XKR4: variants seen among roughly 807,000 people sequenced by gnomAD.
XKR4 encodes XK-related protein 4.
A neutral mutation model predicts 53.9 loss-of-function variants in XKR4; 12 were observed. The ratio of observed to expected loss-of-function variants is 0.22; its 90% CI spans 0.14 to 0.36. The LOEUF is 0.36. Ranked by LOEUF, XKR4 falls within the 10% of genes least tolerant of loss-of-function variation. XKR4 has a pLI of 1.00. For synonymous variants in XKR4, 354 were observed against 362.4 expected (o/e 0.98, Z 0.26); for missense variants, 799 against 859.5 (o/e 0.93, Z 0.88).
Position 55,187,305 on chromosome 8 carries a change from C to CAAAAAAA in XKR4, c.806+84025_806+84031dup, listed in dbSNP as rs1168014848. On this transcript the variant is annotated intron_variant, in intron 1 of 2. Transcript: ENST00000327381. ...GTGGGAAAATCTCTGTTTCCAGGACCAAAAAAAAAAAAAAAAAAAAGAAGA... is the reference window on the plus strand; with the variant it reads ...GTGGGAAAATCTCTGTTTCCAGGACCAAAAAAAAAAAAAAAAAAAAAAAAAAAGAAGA... Among the ~76,000 whole-genome samples, 69 of 95,642 alleles carry CAAAAAAA rather than the reference C, an allele frequency of 7.2e-4. 1 individual carries two copies. The highest frequency in any genetic ancestry group is 1.5e-3 in the African/African-American group (38 of 25,234). The allele number at this position is 95,642 out of a possible 152,430, so 62.7% of individuals were successfully genotyped here.
intron 1 of XKR4, among the ~76,000 whole-genome samples, chr8:55,299,629 A>C (rs886884714): frequency 6.6e-6 from 1 of 152,154 alleles, no homozygotes; most frequent in African/African-American, 2.4e-5. Context: ...TTGGGGTGAA[A>C]AGATGCAACA....
At chr8:55,494,389 C>T (rs753453242) in intron 2 of XKR4, among the ~76,000 whole-genome samples, 2 of 152,212 alleles carry the variant, frequency 1.3e-5, no homozygotes, top group African/African-American at 2.4e-5. Flanking sequence ...TTTTCTTCAC[C>T]CACAACATGG....
intron 1 of XKR4, among the ~76,000 whole-genome samples, chr8:55,147,432 G>C (rs1239359704): frequency 6.6e-6 from 1 of 152,198 alleles, no homozygotes; most frequent in East Asian, 1.9e-4. Context: ...AAGACACTTA[G>C]GGAGGAGAGC....
chr8:55,432,765 C>CAAA (rs143147238), intron 2 of XKR4, among the ~76,000 whole-genome samples: 9,892 of 151,978 alleles, frequency 0.065, 346 homozygotes, highest in Middle Eastern at 0.11. Flanking sequence ...AACTTTTTCC[C>CAAA]AAAAAAGTCT....
intron 1 of XKR4, among the ~76,000 whole-genome samples, chr8:55,123,740 C>T (rs1467579732): frequency 6.6e-6 from 1 of 152,124 alleles, no homozygotes; most frequent in African/African-American, 2.4e-5. Context: ...TGTGTGTGTC[C>T]CACAGGGGAC....
intron 1 of XKR4, among the ~76,000 whole-genome samples, chr8:55,333,891 ATGT>A (rs1469699494): frequency 6.6e-6 from 1 of 152,186 alleles, no homozygotes; most frequent in African/African-American, 2.4e-5. Context: ...ATGTCATGAA[ATGT>A]TGTAGCATTT....
rs539941654 is a variant in XKR4, at chr8:55,454,616, T to A, written c.1007-68665T>A. ...TCACCAGCCCCCAAATAAATCGTCC[T>A]CTACTAGCCCCCAGCCAGGGGCACG... On this transcript the variant is annotated intron_variant, in intron 2 of 2. Transcript: ENST00000327381. 6 of 1,286,576 alleles carry A rather than the reference T, an allele frequency of 4.7e-6. No homozygotes were observed. The African/African-American group carries it at 5.8e-5, about 12-fold the overall frequency. The allele number at this position is 1,286,576 out of a possible 1,614,324, so 79.7% of individuals were successfully genotyped here.
At chr8:55,412,428 A>C (rs1442935217) in intron 2 of XKR4, among the ~76,000 whole-genome samples, 1 of 152,212 alleles carries the variant, frequency 6.6e-6, no homozygotes, top group African/African-American at 2.4e-5. Context: ...TTTTAAAGCC[A>C]AAATCCTTGA....
intron 1 of XKR4, among the ~76,000 whole-genome samples, chr8:55,261,106 C>A (rs544952366): frequency 1.2e-4 from 18 of 152,186 alleles, no homozygotes; most frequent in Admixed American, 1.0e-3. Context: ...GTTAGGGGAA[C>A]CATATTTTAT....
intron 1 of XKR4, among the ~76,000 whole-genome samples, chr8:55,125,675 A>G (rs1481619264): frequency 3.3e-5 from 5 of 152,178 alleles, no homozygotes; most frequent in African/African-American, 9.7e-5. Flanking sequence ...ACAAAAGCCT[A>G]TTTTCCCTAG....
intron 1 of XKR4, among the ~76,000 whole-genome samples, chr8:55,318,071 A>G (rs1229136331): frequency 6.6e-6 from 1 of 152,238 alleles, no homozygotes; most frequent in Non-Finnish European, 1.5e-5. Context: ...GTAGAAAGTT[A>G]GCTTAATGCT....
At chr8:55,111,520 G>C (rs1816230096) in intron 1 of XKR4, among the ~76,000 whole-genome samples, 1 of 152,136 alleles carries the variant, frequency 6.6e-6, no homozygotes, top group Non-Finnish European at 1.5e-5. Context: ...AACTGGCATG[G>C]TTCATACATA....
rs11454464 is a variant in XKR4 at position 55,535,226 on chromosome 8, T to TTA, written c.*10999_*11000insTA. 2 of 151,606 alleles carry TTA rather than the reference T, an allele frequency of 1.3e-5. No individual in the cohort carries two copies. The highest frequency in any genetic ancestry group is 2.9e-5 in the Non-Finnish European group (2 of 67,894). 9.4% of individuals were successfully genotyped at this position (151,606 alleles called of 1,614,324 possible). ...ATGTGACTTATTTTCTTTTTTTTTT[T>TTA]AATTTTATTATTATTATACTTTAAG... On this transcript the variant is annotated 3_prime_UTR_variant, in exon 3 of 3. Transcript: ENST00000327381.
chr8:55,246,531 G>A (rs1254630560), intron 1 of XKR4, among the ~76,000 whole-genome samples: 1 of 152,122 alleles, frequency 6.6e-6, no homozygotes, highest in African/African-American at 2.4e-5. Context: ...AGAACAGAAA[G>A]TTTCCTCATT....
intron 1 of XKR4, among the ~76,000 whole-genome samples, chr8:55,107,881 A>G (rs1024247633): frequency 2.0e-5 from 3 of 152,212 alleles, no homozygotes; most frequent in African/African-American, 7.2e-5. Context: ...ATATAAATTA[A>G]TTAGTCATTC....
intron 1 of XKR4, among the ~76,000 whole-genome samples, chr8:55,296,007 G>A (rs977187711): frequency 1.3e-5 from 2 of 152,152 alleles, no homozygotes; most frequent in Non-Finnish European, 2.9e-5. Context: ...TGATGACATA[G>A]ATAAACAGAA....
intron 2 of XKR4, 31 bp from the exon 3 acceptor site, chr8:55,523,250 T>C (rs774859783): frequency 3.9e-6 from 6 of 1,539,710 alleles, no homozygotes; most frequent in Non-Finnish European, 5.3e-6. Context: ...AACTGATTTC[T>C]GACACACTGT....
chr8:55,466,477 G>T (rs1805771496), intron 2 of XKR4, among the ~76,000 whole-genome samples: 1 of 152,004 alleles, frequency 6.6e-6, no homozygotes, highest in South Asian at 2.1e-4. Context: ...TCACACCGGG[G>T]ACTGTTATGG....
chr8:55,234,024 A>G (rs1818083022), intron 1 of XKR4, among the ~76,000 whole-genome samples: 1 of 152,234 alleles, frequency 6.6e-6, no homozygotes, highest in South Asian at 2.1e-4. Flanking sequence ...CAATACCATT[A>G]TCGATTCCCT....
Sources: allele counts gnomAD v4.1 joint callset (sites outside exome capture counted in the v4.1 genomes callset), GRCh38; gene constraint gnomAD v4.1.1; transcripts MANE v1.5; gene names NCBI Gene and HGNC (gene_info 2026-07-23, HGNC 2026-07-21).